CNTNAP2: variants seen among roughly 807,000 people sequenced by gnomAD.
CNTNAP2 encodes the protein contactin associated protein 2, also known as contactin-associated protein-like 2.
CNTNAP2 carries 98 observed loss-of-function variants against 155.2 expected under a neutral mutation model. The ratio of observed to expected loss-of-function variants is 0.63; its 90% CI spans 0.54 to 0.75. The LOEUF (loss-of-function observed/expected upper bound fraction) is 0.75. CNTNAP2 is among the 30% of genes least tolerant of loss of function. The pLI, the probability that CNTNAP2 is intolerant of heterozygous loss-of-function variation, is 0.00. For missense variants in CNTNAP2, 1,727 were observed against 1,688.1 expected (o/e 1.02, Z -0.40); for synonymous variants, 651 against 631.2 (o/e 1.03, Z -0.47).
chr7:147,238,101 G>A (rs538842130), intron 8 of CNTNAP2, among the ~76,000 whole-genome samples: 13 of 152,212 alleles, frequency 8.5e-5, no homozygotes, highest in African/African-American at 2.4e-4. Context: ...TACAAGCTCC[G>A]CCTCCCGGGT....
At chr7:146,934,880 A>T (rs1252003371) in intron 3 of CNTNAP2, among the ~76,000 whole-genome samples, 1 of 152,192 alleles carries the variant, frequency 6.6e-6, no homozygotes, top group Non-Finnish European at 1.5e-5. Flanking sequence ...AACAAATGCC[A>T]TGTAAACAGT....
chr7:146,246,055 C>G (rs899755169), intron 1 of CNTNAP2, among the ~76,000 whole-genome samples: 26 of 151,840 alleles, frequency 1.7e-4, no homozygotes, highest in African/African-American at 5.3e-4. Context: ...AGTTTATAGG[C>G]TTTAAAAGGC....
At chr7:148,331,530 T>C (rs111204068) in intron 21 of CNTNAP2, among the ~76,000 whole-genome samples, 3 of 88,360 alleles carry the variant, frequency 3.4e-5, no homozygotes, top group East Asian at 3.8e-4. Context: ...ATGGAATGGA[T>C]GGACGGATGG....
intron 21 of CNTNAP2, among the ~76,000 whole-genome samples, chr7:148,323,430 A>G (rs1353214398): frequency 7.0e-6 from 1 of 143,172 alleles, no homozygotes; most frequent in African/African-American, 2.6e-5. Context: ...GAGGTAGTAC[A>G]CTTTTTTTTT....
intron 1 of CNTNAP2, among the ~76,000 whole-genome samples, chr7:146,385,224 T>C (rs979214608): frequency 3.3e-5 from 5 of 152,144 alleles, no homozygotes. Context: ...TAACTCCTAT[T>C]GCTTGTAATC....
At chr7:147,205,649 G>A (rs1803009168) in intron 8 of CNTNAP2, among the ~76,000 whole-genome samples, 1 of 151,364 alleles carries the variant, frequency 6.6e-6, no homozygotes, top group African/African-American at 2.4e-5. Flanking sequence ...AAAGTAGCAT[G>A]TTCTCACTCT....
chr7:146,660,967 T>C (rs1445441585), intron 1 of CNTNAP2, among the ~76,000 whole-genome samples: 2 of 152,118 alleles, frequency 1.3e-5, no homozygotes, highest in Non-Finnish European at 2.9e-5. Context: ...AGTGCAGAGA[T>C]AAGGATGGGA....
At chr7:147,234,386 G>A (rs1315888722) in intron 8 of CNTNAP2, among the ~76,000 whole-genome samples, 2 of 136,776 alleles carry the variant, frequency 1.5e-5, no homozygotes, top group African/African-American at 5.5e-5. Flanking sequence ...CACTCAGGCT[G>A]GAGTGCAGTG....
At chr7:147,824,542 G>A (rs1401710248) in intron 13 of CNTNAP2, among the ~76,000 whole-genome samples, 1 of 152,250 alleles carries the variant, frequency 6.6e-6, no homozygotes, top group Non-Finnish European at 1.5e-5. Context: ...CACATCAGAA[G>A]GAACGAGTTT....
chr7:146,828,412 G>T (rs951594975), intron 2 of CNTNAP2, among the ~76,000 whole-genome samples: 3 of 151,884 alleles, frequency 2.0e-5, no homozygotes, highest in Non-Finnish European at 4.4e-5. Flanking sequence ...AATAAAGAAC[G>T]CAGTCCAATC....
At chr7:147,411,444 T>C (rs987974331) in intron 10 of CNTNAP2, among the ~76,000 whole-genome samples, 1 of 152,184 alleles carries the variant, frequency 6.6e-6, no homozygotes, top group African/African-American at 2.4e-5. Context: ...AGAGACCCAA[T>C]CAGTTTTCCA....
intron 19 of CNTNAP2, among the ~76,000 whole-genome samples, chr7:148,218,245 G>A: frequency 6.6e-6 from 1 of 152,170 alleles, no homozygotes; most frequent in Admixed American, 6.5e-5. Flanking sequence ...ATTTTATCCT[G>A]ATTTATGATA....
At chr7:146,508,475 T>C (rs934241975) in intron 1 of CNTNAP2, among the ~76,000 whole-genome samples, 1 of 152,220 alleles carries the variant, frequency 6.6e-6, no homozygotes, top group Admixed American at 6.5e-5. Flanking sequence ...TGTCTATGTA[T>C]GCAACCTTGC....
intron 21 of CNTNAP2, 64 bp from the exon 22 acceptor site, chr7:148,383,585 A>G: frequency 6.2e-7 from 1 of 1,611,052 alleles, no homozygotes; most frequent in Non-Finnish European, 8.5e-7. Flanking sequence ...ATTCAAAGAC[A>G]GGTATGTTGT....
intron 3 of CNTNAP2, among the ~76,000 whole-genome samples, chr7:146,895,261 TC>T (rs1263028493): frequency 1.4e-5 from 2 of 146,564 alleles, no homozygotes; most frequent in East Asian, 3.9e-4. Flanking sequence ...CTTACTTCCT[TC>T]CCCTTCCTTC....
intron 22 of CNTNAP2, among the ~76,000 whole-genome samples, chr7:148,405,017 C>G (rs2108674): frequency 0.56 from 84,218 of 151,728 alleles, 24,030 homozygotes; most frequent in African/African-American, 0.63. Flanking sequence ...GCAGGCCAGG[C>G]TGGTTTTGGA....
intron 1 of CNTNAP2, among the ~76,000 whole-genome samples, chr7:146,586,421 G>T (rs1217142090): frequency 2.6e-5 from 4 of 152,048 alleles, no homozygotes; most frequent in Admixed American, 6.6e-5. Flanking sequence ...ACTTCTAAAG[G>T]TAGGAGAGAG....
chr7:146,674,191 A>C (rs1384464901), intron 1 of CNTNAP2, among the ~76,000 whole-genome samples: 1 of 152,174 alleles, frequency 6.6e-6, no homozygotes, highest in African/African-American at 2.4e-5. Flanking sequence ...ATCTTCAAAA[A>C]TCTAAGTTCT....
chr7:146,440,759 A>T (rs1201811089), intron 1 of CNTNAP2, among the ~76,000 whole-genome samples: 1 of 151,652 alleles, frequency 6.6e-6, no homozygotes, highest in African/African-American at 2.4e-5. Context: ...GGAAGTACCC[A>T]TGCCTCACTT....
Sources: allele counts gnomAD v4.1 joint callset (sites outside exome capture counted in the v4.1 genomes callset), GRCh38; gene constraint gnomAD v4.1.1; transcripts MANE v1.5; gene names NCBI Gene and HGNC (gene_info 2026-07-23, HGNC 2026-07-21).